Variants in RBFOX1 observed in about 807,000 individuals in gnomAD.
RBFOX1 encodes RNA binding fox-1 homolog 1, also known as RNA binding protein fox-1 homolog 1.
RBFOX1 carries 8 observed loss-of-function variants against 57.7 expected under a neutral mutation model. The ratio of observed to expected loss-of-function variants is 0.14; its 90% CI spans 0.08 to 0.25. RBFOX1 has a LOEUF of 0.25. Ranked by LOEUF, RBFOX1 falls within the 10% of genes least tolerant of loss-of-function variation. The pLI is 1.00. For synonymous variants in RBFOX1, 326 were observed against 222.4 expected (o/e 1.47, Z -4.15); for missense variants, 611 against 548.5 (o/e 1.11, Z -1.14).
chr16:5,694,538 G>A (rs1007106465), intron 3 of RBFOX1, among the ~76,000 whole-genome samples: 1 of 152,102 alleles, frequency 6.6e-6, no homozygotes, highest in Non-Finnish European at 1.5e-5. Flanking sequence ...AGAGCTTAAT[G>A]GTACCCAGCA....
chr16:6,102,220 A>G (rs1429367494), intron 1 of RBFOX1, among the ~76,000 whole-genome samples: 1 of 149,990 alleles, frequency 6.7e-6, no homozygotes, highest in East Asian at 2.0e-4. Context: ...CATTTAGTGG[A>G]AACCTCTAGT....
intron 3 of RBFOX1, among the ~76,000 whole-genome samples, chr16:7,033,511 C>A (rs372372440): frequency 6.6e-6 from 1 of 152,164 alleles, no homozygotes; most frequent in Non-Finnish European, 1.5e-5. Context: ...TAGAGGGAGA[C>A]TCAGTCTCAA....
intron 10 of RBFOX1, chr16:7,615,091 T>A (rs541046405): frequency 6.6e-6 from 1 of 152,266 alleles, no homozygotes; most frequent in African/African-American, 2.4e-5. Context: ...CCCAGCACTT[T>A]GGGAGGCCAA....
intron 4 of RBFOX1, among the ~76,000 whole-genome samples, chr16:7,230,465 T>A (rs1263779850): frequency 6.6e-6 from 1 of 152,162 alleles, no homozygotes; most frequent in Non-Finnish European, 1.5e-5. Flanking sequence ...ATCAGCTTTG[T>A]CCTCTCAAGG....
intron 4 of RBFOX1, among the ~76,000 whole-genome samples, chr16:7,067,459 T>TC: frequency 6.6e-6 from 1 of 152,148 alleles, no homozygotes; most frequent in East Asian, 1.9e-4. Context: ...TTTTTTTTTT[T>TC]TATCATTCTG....
chr16:6,006,968 G>A (rs2094931208), intron 4 of RBFOX1, among the ~76,000 whole-genome samples: 1 of 152,008 alleles, frequency 6.6e-6, no homozygotes, highest in Non-Finnish European at 1.5e-5. Flanking sequence ...ATATCTCACT[G>A]GAACCAAGCT....
At chr16:7,434,701 C>T (rs985923806) in intron 4 of RBFOX1, among the ~76,000 whole-genome samples, 1 of 151,744 alleles carries the variant, frequency 6.6e-6, no homozygotes, top group Non-Finnish European at 1.5e-5. Flanking sequence ...AGAGAGTTCC[C>T]ATCTACCCAG....
intron 3 of RBFOX1, among the ~76,000 whole-genome samples, chr16:5,721,046 C>G (rs552024382): frequency 1.3e-5 from 2 of 152,256 alleles, no homozygotes; most frequent in Middle Eastern, 3.4e-3. Context: ...GTATTGTCTT[C>G]TAATCCATGA....
At chr16:6,726,261 C>T (rs1205776971) in intron 3 of RBFOX1, among the ~76,000 whole-genome samples, 2 of 152,080 alleles carry the variant, frequency 1.3e-5, no homozygotes, top group African/African-American at 4.8e-5. Flanking sequence ...TTTTTGAATT[C>T]ATTGTGACTC....
At chr16:5,421,578 C>A (rs1443009227) in intron 1 of RBFOX1, among the ~76,000 whole-genome samples, 1 of 152,106 alleles carries the variant, frequency 6.6e-6, no homozygotes, top group Non-Finnish European at 1.5e-5. Context: ...AGTGAGGCTC[C>A]TTGGCCCAGG....
intron 1 of RBFOX1, among the ~76,000 whole-genome samples, chr16:5,362,716 G>T (rs1040629323): frequency 2.0e-5 from 3 of 151,962 alleles, no homozygotes; most frequent in African/African-American, 7.2e-5. Context: ...TCTCCCCTCA[G>T]CCCCCGACAA....
rs373564767 is a variant in RBFOX1 at position 6,825,790 on chromosome 16, A to G, written c.-16+171140A>G. 6.7e-4 allele frequency among the ~76,000 whole-genome samples: 102 copies of G among 152,258 alleles called. 1 individual carries two copies. The highest frequency in any genetic ancestry group is 2.4e-3 in the African/African-American group (101 of 41,558). On this transcript the variant is annotated intron_variant, in intron 3 of 15. Coordinates refer to ENST00000550418, the MANE Select transcript of RBFOX1 (RefSeq NM_018723.4). ...TGAAGACACGCAGCTAATGAAAGGT[A>G]AGGGTGGAGACAGAGGCAGCGATCC...
At chr16:6,907,737 A>AT (rs1274297294) in intron 3 of RBFOX1, among the ~76,000 whole-genome samples, 3 of 151,384 alleles carry the variant, frequency 2.0e-5, no homozygotes, top group Non-Finnish European at 3.0e-5. Context: ...TGCTTGGCTT[A>AT]TTTTTTTGCA....
rs796627847 is a variant in RBFOX1, at chr16:5,269,195, G to C, written c.219+29090G>C. 2.6e-4 allele frequency among the ~76,000 whole-genome samples: 38 copies of C among 146,954 alleles called. No individual in the cohort carries two copies. In the South Asian group the frequency reaches 6.3e-3, roughly 25 times the overall value. ...GTCTCCCAAAGTGCTGGGATTACAG[G>C]CATGAGCCACCGCACCAGGCCAATT... On this transcript the variant is annotated intron_variant, in intron 1 of 2. Transcript: ENST00000585867.
rs185036918 is a variant in RBFOX1, at chr16:6,972,643, C to T, written c.-15-79414C>T. On this transcript the variant is annotated intron_variant, in intron 3 of 15. Coordinates refer to ENST00000550418, the MANE Select transcript of RBFOX1 (RefSeq NM_018723.4). ...ATGCAGGAGAACAAGCAGAAAATTT[C>T]AAGAGCAAATGCTTTGGGGACAGAC... Among the ~76,000 whole-genome samples, 3 of 152,088 alleles carry T rather than the reference C, an allele frequency of 2.0e-5. No individual in the cohort carries two copies. In the South Asian group the frequency reaches 6.2e-4, roughly 32 times the overall value.
chr16:5,450,022 A>G (rs937563861), intron 1 of RBFOX1, among the ~76,000 whole-genome samples: 19 of 152,244 alleles, frequency 1.2e-4, no homozygotes, highest in South Asian at 2.1e-4. Flanking sequence ...GCTGAGATCT[A>G]TTTGCAAGGT....
At chr16:6,759,312 G>C (rs1184416783) in intron 3 of RBFOX1, among the ~76,000 whole-genome samples, 2 of 152,016 alleles carry the variant, frequency 1.3e-5, no homozygotes, top group African/African-American at 4.8e-5. Flanking sequence ...CACCACAGCT[G>C]GCTAATTTTT....
At chr16:5,269,714 G>C (rs1160559877) in intron 1 of RBFOX1, among the ~76,000 whole-genome samples, 7 of 152,144 alleles carry the variant, frequency 4.6e-5, no homozygotes, top group Admixed American at 3.9e-4. Flanking sequence ...AAGGGTATGA[G>C]GTTTCTTTTT....
At chr16:6,826,332 G>T (rs2092132871) in intron 3 of RBFOX1, among the ~76,000 whole-genome samples, 1 of 152,096 alleles carries the variant, frequency 6.6e-6, no homozygotes. Flanking sequence ...AGGCAACATG[G>T]GGAGACCCCC....
Sources: allele counts gnomAD v4.1 joint callset (sites outside exome capture counted in the v4.1 genomes callset), GRCh38; gene constraint gnomAD v4.1.1; transcripts MANE v1.5; gene names NCBI Gene and HGNC (gene_info 2026-07-23, HGNC 2026-07-21).